The following MEGF11 variants were observed in gnomAD, a reference collection of about 807,000 sequenced individuals.
The protein encoded by MEGF11 is multiple epidermal growth factor-like domains protein 11.
A neutral mutation model predicts 146.6 loss-of-function variants in MEGF11; 126 were observed. The observed-to-expected ratio is 0.86, with a 90% CI of 0.74 to 1.00. The LOEUF (loss-of-function observed/expected upper bound fraction) is 1.00. Ranked by LOEUF, MEGF11 falls within the 50% of genes least tolerant of loss-of-function variation. The pLI is 0.00. For synonymous variants in MEGF11, 532 were observed against 583.4 expected (o/e 0.91, Z 1.27); for missense variants, 1,509 against 1,521.2 (o/e 0.99, Z 0.13).
chr15:66,073,407 C>T (rs1421285502), intron 5 of MEGF11, among the ~76,000 whole-genome samples: 1 of 152,192 alleles, frequency 6.6e-6, no homozygotes, highest in Non-Finnish European at 1.5e-5. Flanking sequence ...CACTCCTAAG[C>T]TCCTGTGATG....
intron 5 of MEGF11, among the ~76,000 whole-genome samples, chr15:66,039,663 G>A (rs1355122393): frequency 2.0e-5 from 3 of 152,240 alleles, no homozygotes; most frequent in East Asian, 3.9e-4. Context: ...TTTCTCCACC[G>A]GACTACATCC....
At chr15:65,946,541 C>T (rs2080200738) in intron 10 of MEGF11, among the ~76,000 whole-genome samples, 1 of 152,154 alleles carries the variant, frequency 6.6e-6, no homozygotes, top group African/African-American at 2.4e-5. Context: ...TACTGGCACC[C>T]ACCACCATGC....
chr15:65,910,868 C>T (rs769741721), intron 21 of MEGF11, among the ~76,000 whole-genome samples: 15 of 152,116 alleles, frequency 9.9e-5, no homozygotes, highest in Non-Finnish European at 1.5e-4. Context: ...ATTCCCACTC[C>T]CACCATGGCC....
At chr15:66,222,311 C>A (rs72746220) in intron 1 of MEGF11, among the ~76,000 whole-genome samples, 6,547 of 152,138 alleles carry the variant, frequency 0.043, 194 homozygotes, top group Middle Eastern at 0.099. Flanking sequence ...CCCAGCTGCT[C>A]CCCAACTATA....
In MEGF11 at chr15:66,148,503, A is replaced by G. The variant is rs934210853; in HGVS notation, c.-8-20092T>C. Among the ~76,000 whole-genome samples the G allele has an allele frequency of 3.9e-5, 6 of 152,220 alleles. No homozygotes were observed. The East Asian group carries it at 5.8e-4, about 15-fold the overall frequency. ...ATGGGGCTGGGGCAGGAAGAACGAC[A>G]GGAGGTTGCCACAGTGGGCCTGGGG... On this transcript the variant is annotated intron_variant, in intron 1 of 25. Coordinates refer to ENST00000395614, the MANE Select transcript of MEGF11 (RefSeq NM_001385028.1).
chr15:66,019,004 G>A lies in MEGF11; in HGVS notation c.395-36516C>T, dbSNP rs989524283. On this transcript the variant is annotated intron_variant, in intron 5 of 25. Coordinates refer to ENST00000395614, the MANE Select transcript of MEGF11 (RefSeq NM_001385028.1). ...AGATGGGGACCTCTTAGATGGCTTC[G>A]GAAGGTCCATCTGACAGTGAGGCCC... is the stretch of plus-strand genomic sequence containing the variant. Among the ~76,000 whole-genome samples the A allele has an allele frequency of 4.6e-5, 7 of 152,172 alleles. No homozygotes were observed. The East Asian group carries it at 5.8e-4, about 13-fold the overall frequency.
At chr15:66,122,501 G>T (rs1282841109) in intron 3 of MEGF11, among the ~76,000 whole-genome samples, 1 of 152,174 alleles carries the variant, frequency 6.6e-6, no homozygotes, top group Non-Finnish European at 1.5e-5. Context: ...TATCCTCAAA[G>T]AGGAACTGGG....
At chr15:66,102,131 C>T (rs1298888675) in intron 4 of MEGF11, among the ~76,000 whole-genome samples, 1 of 142,882 alleles carries the variant, frequency 7.0e-6, no homozygotes, top group Non-Finnish European at 1.5e-5. Flanking sequence ...AGTCAATTCC[C>T]TTAATCGATG....
intron 6 of MEGF11, among the ~76,000 whole-genome samples, chr15:65,981,674 G>T (rs1753886872): frequency 6.6e-6 from 1 of 152,128 alleles, no homozygotes; most frequent in Non-Finnish European, 1.5e-5. Context: ...CAGTCTTGTA[G>T]GTCTCCTGTC....
At chr15:65,934,641 G>A (rs2079699790) in intron 10 of MEGF11, among the ~76,000 whole-genome samples, 2 of 152,186 alleles carry the variant, frequency 1.3e-5, no homozygotes, top group South Asian at 4.1e-4. Flanking sequence ...TTAGAAAGTT[G>A]GGACTTACAG....
At chr15:65,924,100 A>C (rs1055079778) in intron 13 of MEGF11, among the ~76,000 whole-genome samples, 7 of 151,192 alleles carry the variant, frequency 4.6e-5, no homozygotes, top group Non-Finnish European at 8.9e-5. Context: ...GAACAGAGCC[A>C]GCCCTACCAG....
At chr15:66,252,267 G>A (rs1468376394) in intron 1 of MEGF11, among the ~76,000 whole-genome samples, 1 of 122,992 alleles carries the variant, frequency 8.1e-6, no homozygotes, top group Non-Finnish European at 1.6e-5. Context: ...TTTAACCCTT[G>A]TTTCCCTGGC....
chr15:66,213,429 C>T (rs555098824), intron 1 of MEGF11, among the ~76,000 whole-genome samples: 8 of 152,314 alleles, frequency 5.3e-5, no homozygotes, highest in African/African-American at 1.4e-4. Context: ...GGTAAGGACA[C>T]AGCAGTGAAC....
chr15:66,117,210 C>A (rs11632916), intron 4 of MEGF11, among the ~76,000 whole-genome samples: 2 of 151,910 alleles, frequency 1.3e-5, no homozygotes, highest in Admixed American at 6.6e-5. Context: ...CAAACCCAGA[C>A]CCCTGTGATT....
At chr15:66,125,653 G>C (rs545394720) in intron 2 of MEGF11, among the ~76,000 whole-genome samples, 1 of 152,334 alleles carries the variant, frequency 6.6e-6, no homozygotes, top group Non-Finnish European at 1.5e-5. Flanking sequence ...AAAATAAAAC[G>C]AGATACACTA....
At chr15:66,141,817 C>G (rs2089180420) in intron 1 of MEGF11, among the ~76,000 whole-genome samples, 1 of 152,162 alleles carries the variant, frequency 6.6e-6, no homozygotes, top group Admixed American at 6.5e-5. Flanking sequence ...CTCCTGTCAT[C>G]CCTTGGCCTA....
chr15:66,066,184 A>G (rs1445802163), intron 5 of MEGF11, among the ~76,000 whole-genome samples: 1 of 152,154 alleles, frequency 6.6e-6, no homozygotes, highest in Admixed American at 6.5e-5. Context: ...CAGGAACAAG[A>G]TCATGAGCAG....
intron 1 of MEGF11, among the ~76,000 whole-genome samples, chr15:66,181,423 C>T (rs989207556): frequency 2.0e-5 from 3 of 152,174 alleles, no homozygotes; most frequent in South Asian, 2.1e-4. Flanking sequence ...AATGCACACA[C>T]GCATGCACAC....
At chr15:66,245,716 G>T (rs2092286833) in intron 1 of MEGF11, among the ~76,000 whole-genome samples, 1 of 152,082 alleles carries the variant, frequency 6.6e-6, no homozygotes, top group Non-Finnish European at 1.5e-5. Context: ...GCAACATATT[G>T]GATTTGCAGC....
Sources: gnomAD v4.1 joint callset for allele counts (sites outside exome capture counted in the v4.1 genomes callset) on GRCh38, gnomAD v4.1.1 for gene constraint, MANE v1.5 for transcripts, NCBI Gene and HGNC (gene_info 2026-07-23, HGNC 2026-07-21) for gene names.